NECTIN4: variants seen among roughly 807,000 people sequenced by gnomAD.
NECTIN4 encodes the protein nectin cell adhesion molecule 4.
Under a neutral mutation model 51.7 loss-of-function variants are expected in NECTIN4, and 19 were observed. The ratio of observed to expected loss-of-function variants is 0.37; its 90% CI spans 0.26 to 0.54. The LOEUF (loss-of-function observed/expected upper bound fraction) is 0.54. Ranked by LOEUF, NECTIN4 falls within the 20% of genes least tolerant of loss-of-function variation. The probability of loss-of-function intolerance (pLI) is 0.86; values close to 1 mark genes in which losing one functional copy is unlikely to be tolerated. For synonymous variants in NECTIN4, 283 were observed against 286.9 expected (o/e 0.99, Z 0.14); for missense variants, 619 against 662.4 (o/e 0.93, Z 0.72).
chr1:161,086,498 A>G (rs1339969922), intron 1 of NECTIN4, among the ~76,000 whole-genome samples: 2 of 152,212 alleles, frequency 1.3e-5, no homozygotes, highest in African/African-American at 4.8e-5. Context: ...CCTAACCCCC[A>G]GAAGGCAGAC....
Position 161,071,059 on chromosome 1 carries a change from A to C in NECTIN4, c.*1602T>G, listed in dbSNP as rs956363818. ...TTTATGTACAAATATGCACATATTT[A>C]CATAAAATGTACATGTTAGGATCTT... On this transcript the variant is annotated 3_prime_UTR_variant, in exon 9 of 9. Transcript: ENST00000368012. 2 of 152,250 alleles carry C rather than the reference A, an allele frequency of 1.3e-5. No homozygotes were observed. The highest frequency in any genetic ancestry group is 6.5e-5 in the Admixed American group (1 of 15,284). The allele number at this position is 152,250 out of a possible 1,614,324, so 9.4% of individuals were successfully genotyped here.
chr1:161,077,392 G>A (rs1653456549), intron 3 of NECTIN4, 61 bp downstream of exon 3: 8 of 1,584,436 alleles, frequency 5.0e-6, no homozygotes, highest in Non-Finnish European at 6.9e-6. Flanking sequence ...GGGACCTGTG[G>A]CATCTCACCA....
intron 4 of NECTIN4, 74 bp from the exon 5 acceptor site, chr1:161,074,833 C>T: frequency 6.7e-7 from 1 of 1,495,200 alleles, no homozygotes; most frequent in African/African-American, 1.4e-5. Flanking sequence ...GTCCAGACAG[C>T]TCTCCACCCT....
intron 1 of NECTIN4, among the ~76,000 whole-genome samples, chr1:161,085,256 A>T (rs1653887631): frequency 6.6e-6 from 1 of 151,954 alleles, no homozygotes; most frequent in Admixed American, 6.6e-5. Context: ...ACACAATCAC[A>T]AAGGGAGATG....
In NECTIN4 at chr1:161,077,433, C is replaced by T; in HGVS notation, c.730+20G>A. 1 of 1,613,944 alleles carries T rather than the reference C, an allele frequency of 6.2e-7. No individual in the cohort carries two copies. The highest frequency in any genetic ancestry group is 8.5e-7 in the Non-Finnish European group (1 of 1,179,978). On this transcript the variant is annotated intron_variant, in intron 3 of 8. Transcript: ENST00000368012. Reference sequence around the variant, plus strand: ...CTGAGAACCCCTTGGGCCTCCCTACCCAAGCATCCAAGTACTTACAGGACA... The same window carrying T: ...CTGAGAACCCCTTGGGCCTCCCTACTCAAGCATCCAAGTACTTACAGGACA...
At chr1:161,088,672 A>G (rs1031071125) in intron 1 of NECTIN4, among the ~76,000 whole-genome samples, 7 of 152,116 alleles carry the variant, frequency 4.6e-5, no homozygotes, top group African/African-American at 1.4e-4. Context: ...ATAGTCCCCA[A>G]CAGGTGCCCC....
chr1:161,074,760 C>A lies in NECTIN4; in HGVS notation c.852-1G>T. The A allele has an allele frequency of 6.2e-7, 1 of 1,613,196 alleles. No homozygotes were observed. The highest frequency in any genetic ancestry group is 8.5e-7 in the Non-Finnish European group (1 of 1,179,852). ...CCCACTGGGCAGAGGCCCATCCAGC[C>A]TGGAAGACAGGGAAGCTGAAGGGTG... On this transcript the variant is annotated splice_acceptor_variant, in intron 4 of 8. Transcript: ENST00000368012. LOFTEE classifies it high-confidence loss of function.
intron 1 of NECTIN4, chr1:161,087,087 C>T (rs543367302): frequency 8.5e-5 from 13 of 152,342 alleles, no homozygotes; most frequent in African/African-American, 2.9e-4. Context: ...GAAACGGGAT[C>T]TGGACCAAGA....
At chr1:161,081,081 A>G (rs1010805216) in intron 1 of NECTIN4, among the ~76,000 whole-genome samples, 3 of 152,208 alleles carry the variant, frequency 2.0e-5, no homozygotes, top group African/African-American at 7.2e-5. Context: ...AGCAAACACC[A>G]AGGAGATGGA....
chr1:161,072,974 G>C, intron 8 of NECTIN4, 89 bp from the exon 9 acceptor site: 1 of 1,315,262 alleles, frequency 7.6e-7, no homozygotes, highest in Non-Finnish European at 1.1e-6. Context: ...GGGATCAGAG[G>C]CCAGGCGTAA....
intron 1 of NECTIN4, chr1:161,087,182 G>C (rs2101681766): frequency 6.6e-6 from 1 of 152,340 alleles, no homozygotes; most frequent in South Asian, 2.1e-4. Context: ...TCTACACACA[G>C]AAGAGCCAGA....
At chr1:161,076,529 G>T (rs902402754) in intron 3 of NECTIN4, 54 bp from the exon 4 acceptor site, 319 of 1,608,196 alleles carry the variant, frequency 2.0e-4, no homozygotes, top group Non-Finnish European at 2.6e-4. Context: ...TGATCATGTG[G>T]TACCTCAAAG....
Position 161,071,905 on chromosome 1 carries a change from G to GA in NECTIN4, c.*755dup, listed in dbSNP as rs992308753. 4.6e-5 allele frequency: 7 copies of GA among 150,940 alleles called. No homozygotes were observed. The highest frequency in any genetic ancestry group is 1.2e-4 in the African/African-American group (5 of 41,178). The allele number at this position is 150,940 out of a possible 1,614,324, so 9.4% of individuals were successfully genotyped here. A position where few individuals can be genotyped will look rare whatever the true frequency, so the allele number is the denominator to read the frequency against. On this transcript the variant is annotated 3_prime_UTR_variant, in exon 9 of 9. Transcript: ENST00000368012. ...AATGGAAAGGGCAAGAAAAAAAAAA[G>GA]AAAAAAATTAAAAGTGATTCGGAGC...
intron 1 of NECTIN4, among the ~76,000 whole-genome samples, chr1:161,083,264 A>G (rs555244293): frequency 1.3e-5 from 2 of 152,310 alleles, no homozygotes; most frequent in African/African-American, 2.4e-5. Context: ...CTCCAGCTGC[A>G]TACCCCCCTA....
At position 161,072,894 on chromosome 1, in the gene NECTIN4, C is replaced by G. The variant is rs747462937; in HGVS notation, c.1309-9G>C. The G allele has an allele frequency of 6.2e-7, 1 of 1,607,570 alleles. No homozygotes were observed. The highest frequency in any genetic ancestry group is 1.1e-5 in the South Asian group (1 of 90,100). On this transcript the variant is annotated splice_polypyrimidine_tract_variant and intron_variant, in intron 8 of 8. Transcript: ENST00000368012. ...CCCTCGGGCTCTTCACTCTGGAGAC[C>G]AAGGGCAAAGGGCAAGTCAGGAACA...
chr1:161,079,762 A>C lies in NECTIN4; in HGVS notation c.267T>G (p.His89Gln). 1 of 1,612,342 alleles carries C rather than the reference A, an allele frequency of 6.2e-7. No homozygotes were observed. The highest frequency in any genetic ancestry group is 8.5e-7 in the Non-Finnish European group (1 of 1,179,960). The change falls in exon 2 of 9, where the codon CAT becomes CAG. Residue 89 changes from histidine to glutamine, a missense_variant. By Grantham distance (24) the His-to-Gln change is conservative (BLOSUM62 0). Coordinates refer to ENST00000368012, the MANE Select transcript of NECTIN4 (RefSeq NM_030916.3). The stretch of plus-strand genomic sequence containing the variant: ...CGCGGCCCTCGTAAGCCGGGCTCAC[A>C]TGAAGCCCGTATTTGGAGTGCAGTA... ...LALLHSKYGL[H>Q]VSPAYEGRVE...
At chr1:161,082,149 T>C (rs1474731005) in intron 1 of NECTIN4, among the ~76,000 whole-genome samples, 1 of 151,862 alleles carries the variant, frequency 6.6e-6, no homozygotes, top group East Asian at 1.9e-4. Flanking sequence ...GCCAAAATGG[T>C]GAAACCCTGT....
In NECTIN4 at chr1:161,089,142, C is replaced by G; in HGVS notation, c.79+76G>C. ...GATATGTGTGTGCGTGCGTGTGTGT[C>G]TATGTGTTTGTGCATGTGTGTCAGT... On this transcript the variant is annotated intron_variant, in intron 1 of 8. Transcript: ENST00000368012. The surrounding 1 kb of genome is among the most constrained non-coding windows in gnomAD (Gnocchi z 4.1). 2 of 1,268,696 alleles carry G rather than the reference C, an allele frequency of 1.6e-6. No individual in the cohort carries two copies. The highest frequency in any genetic ancestry group is 2.3e-6 in the Non-Finnish European group (2 of 867,928). 78.6% of individuals were successfully genotyped at this position (1,268,696 alleles called of 1,614,324 possible).
intron 4 of NECTIN4, among the ~76,000 whole-genome samples, chr1:161,075,048 ATG>A (rs995315628): frequency 9.8e-5 from 1 of 10,158 alleles, no homozygotes; most frequent in Non-Finnish European, 2.6e-4. Flanking sequence ...CCAGGTACAC[ATG>A]TTATAAAGTC....
Sources: gnomAD v4.1 joint callset for allele counts (sites outside exome capture counted in the v4.1 genomes callset) on GRCh38, gnomAD v4.1.1 for gene constraint, Gnocchi (gnomAD v3.1) non-coding constraint, MANE v1.5 for transcripts, NCBI Gene and HGNC (gene_info 2026-07-23, HGNC 2026-07-21) for gene names.